The following RGS7 variants were observed in gnomAD, a reference collection of about 807,000 sequenced individuals.
RGS7 encodes the protein regulator of G-protein signaling 7.
RGS7 carries 27 observed loss-of-function variants against 81.1 expected under a neutral mutation model. The observed-to-expected ratio is 0.33, with a 90% CI of 0.25 to 0.46. The LOEUF (loss-of-function observed/expected upper bound fraction) is 0.46, where lower values mean the gene tolerates loss of function less well. Among genes scored for constraint, RGS7 ranks in the 20% least tolerant of loss-of-function variants. The pLI, the probability that RGS7 is intolerant of heterozygous loss-of-function variation, is 1.00. For missense variants in RGS7, 396 were observed against 607.4 expected (o/e 0.65, Z 3.66); for synonymous variants, 208 against 207.7 (o/e 1.00, Z -0.01).
chr1:240,959,574 T>C (rs866685172), intron 4 of RGS7, among the ~76,000 whole-genome samples: 7 of 152,370 alleles, frequency 4.6e-5, no homozygotes, highest in Middle Eastern at 3.4e-3. Context: ...TATAATCTCA[T>C]GGGACCATTG....
chr1:240,951,063 A>C (rs1679476350), intron 4 of RGS7, among the ~76,000 whole-genome samples: 1 of 152,024 alleles, frequency 6.6e-6, no homozygotes, highest in African/African-American at 2.4e-5. Context: ...CTGAGACCAC[A>C]GGCACGTGCA....
intron 2 of RGS7, among the ~76,000 whole-genome samples, chr1:241,334,495 A>G (rs2082138367): frequency 6.6e-6 from 1 of 152,034 alleles, no homozygotes; most frequent in African/African-American, 2.4e-5. Context: ...GAGCCAGTCC[A>G]CCTCTCAGAA....
At chr1:240,969,756 C>T (rs1355648218) in intron 4 of RGS7, among the ~76,000 whole-genome samples, 1 of 152,216 alleles carries the variant, frequency 6.6e-6, no homozygotes, top group Non-Finnish European at 1.5e-5. Context: ...AACAAACGTA[C>T]TGTGTTGGCA....
rs144040113 is a variant in RGS7, at chr1:241,288,692, G to A, written c.78+67007C>T. 1.3e-3 allele frequency among the ~76,000 whole-genome samples: 205 copies of A among 152,238 alleles called. 3 individuals carry two copies. The highest frequency in any genetic ancestry group is 4.5e-3 in the Admixed American group (69 of 15,282). ...CTACTTCCATTTTCAAACTGAGGGC[G>A]CCTAACAATTGCAATCCTGTAAAGA... On this transcript the variant is annotated intron_variant, in intron 2 of 18. Transcript: ENST00000440928.
At chr1:240,797,805 C>A (rs932451027) in intron 18 of RGS7, among the ~76,000 whole-genome samples, 2 of 152,026 alleles carry the variant, frequency 1.3e-5, no homozygotes, top group Non-Finnish European at 2.9e-5. Context: ...GACATAGTAA[C>A]CCTTGGAAGA....
intron 2 of RGS7, among the ~76,000 whole-genome samples, chr1:241,296,410 C>T (rs1276356460): frequency 6.6e-6 from 1 of 152,076 alleles, no homozygotes; most frequent in Non-Finnish European, 1.5e-5. Context: ...ACTGACAAGT[C>T]GCTACTGGAA....
intron 9 of RGS7, among the ~76,000 whole-genome samples, chr1:240,854,978 A>G (rs78096476): frequency 0.026 from 3,973 of 152,244 alleles, 183 homozygotes; most frequent in African/African-American, 0.089. Context: ...CGGACGTTAC[A>G]GGCCAAACAG....
chr1:240,881,277 C>T (rs1463776678), intron 6 of RGS7, among the ~76,000 whole-genome samples: 1 of 148,946 alleles, frequency 6.7e-6, no homozygotes, highest in Admixed American at 6.8e-5. Flanking sequence ...CATGTTCTCA[C>T]TCATAGGTGG....
chr1:240,871,433 T>G (rs943612707), intron 6 of RGS7, among the ~76,000 whole-genome samples: 5 of 152,188 alleles, frequency 3.3e-5, no homozygotes, highest in African/African-American at 1.2e-4. Context: ...TCAATTTCTG[T>G]AAGGTTTCCT....
chr1:241,286,649 G>A (rs1028405237), intron 2 of RGS7, among the ~76,000 whole-genome samples: 3 of 152,152 alleles, frequency 2.0e-5, no homozygotes, highest in African/African-American at 7.2e-5. Flanking sequence ...TTTCCATTTG[G>A]CCCAAACTAG....
chr1:241,160,125 A>G (rs550690731), intron 2 of RGS7, among the ~76,000 whole-genome samples: 42 of 141,418 alleles, frequency 3.0e-4, no homozygotes, highest in East Asian at 1.4e-3. Flanking sequence ...AAAAAAAAAA[A>G]AAAAAGAAAA....
intron 6 of RGS7, among the ~76,000 whole-genome samples, chr1:240,871,607 T>C (rs1664502569): frequency 6.6e-6 from 1 of 152,206 alleles, no homozygotes; most frequent in Non-Finnish European, 1.5e-5. Flanking sequence ...TCAGACTTCA[T>C]AAACAAAAGT....
intron 2 of RGS7, among the ~76,000 whole-genome samples, chr1:241,156,280 CCAGGAGTT>C (rs2069143001): frequency 6.6e-6 from 1 of 151,808 alleles, no homozygotes; most frequent in Non-Finnish European, 1.5e-5. Context: ...TTGCTTGAGC[CCAGGAGTT>C]CAGGAGTTCA....
chr1:241,103,990 C>T (rs1049697526), intron 2 of RGS7, among the ~76,000 whole-genome samples: 7 of 152,262 alleles, frequency 4.6e-5, no homozygotes, highest in South Asian at 2.1e-4. Context: ...GCATTTAGGC[C>T]GGTTAGACCT....
chr1:241,273,916 G>A (rs1426565197), intron 2 of RGS7, among the ~76,000 whole-genome samples: 1 of 147,994 alleles, frequency 6.8e-6, no homozygotes, highest in African/African-American at 2.5e-5. Context: ...AGACTTTTGT[G>A]TCTGGAGCTC....
At chr1:240,945,322 A>G (rs1462436578) in intron 4 of RGS7, among the ~76,000 whole-genome samples, 1 of 152,228 alleles carries the variant, frequency 6.6e-6, no homozygotes, top group Non-Finnish European at 1.5e-5. Context: ...AAGGGCTGCT[A>G]TAGTATAGAG....
intron 4 of RGS7, among the ~76,000 whole-genome samples, chr1:240,939,716 T>A (rs1048239157): frequency 4.6e-5 from 7 of 152,134 alleles, no homozygotes; most frequent in Admixed American, 1.3e-4. Flanking sequence ...GGTATCTTGC[T>A]TTTGCCAGGG....
chr1:241,281,001 ATC>A (rs1211280341), intron 2 of RGS7, among the ~76,000 whole-genome samples: 7 of 152,180 alleles, frequency 4.6e-5, no homozygotes, highest in African/African-American at 1.4e-4. Flanking sequence ...TTTGTTAGAG[ATC>A]TGTGACAATT....
intron 9 of RGS7, among the ~76,000 whole-genome samples, chr1:240,835,948 A>G (rs1694660010): frequency 6.6e-6 from 1 of 152,228 alleles, no homozygotes; most frequent in African/African-American, 2.4e-5. Flanking sequence ...GGGAATAAAT[A>G]GGCCCAGCAC....
Sources: gnomAD v4.1 joint callset for allele counts (sites outside exome capture counted in the v4.1 genomes callset) on GRCh38, gnomAD v4.1.1 for gene constraint, MANE v1.5 for transcripts, NCBI Gene and HGNC (gene_info 2026-07-23, HGNC 2026-07-21) for gene names.